STAC: variants seen among roughly 807,000 people sequenced by gnomAD.
STAC encodes SH3 and cysteine-rich domain-containing protein.
In STAC, 43 loss-of-function variants were observed where a neutral mutation model predicts 48.8. The observed-to-expected ratio is 0.88, with a 90% CI of 0.69 to 1.14. STAC has a LOEUF of 1.14. Ranked by LOEUF, STAC falls within the 50% of genes most tolerant of loss-of-function variation. The pLI, the probability that STAC is intolerant of heterozygous loss-of-function variation, is 0.00. For synonymous variants in STAC, 193 were observed against 179.5 expected (o/e 1.07, Z -0.60); for missense variants, 497 against 504.0 (o/e 0.99, Z 0.13).
intron 8 of STAC, among the ~76,000 whole-genome samples, chr3:36,521,689 C>T (rs79651316): frequency 0.011 from 1,703 of 152,154 alleles, 32 homozygotes; most frequent in African/African-American, 0.037. Context: ...GAGACATAAA[C>T]GTAAAAGGCA....
intron 10 of STAC, among the ~76,000 whole-genome samples, chr3:36,537,125 G>A (rs1243162321): frequency 6.6e-6 from 1 of 152,178 alleles, no homozygotes; most frequent in East Asian, 1.9e-4. Context: ...CATTGTGGAA[G>A]ATAGTGTGGC....
intron 5 of STAC, among the ~76,000 whole-genome samples, chr3:36,492,733 TCC>T (rs1477022863): frequency 6.6e-6 from 1 of 152,188 alleles, no homozygotes; most frequent in Non-Finnish European, 1.5e-5. Context: ...AAGTAGTGCA[TCC>T]CTCCATAGTG....
At chr3:36,413,608 T>G (rs1700246570) in intron 1 of STAC, among the ~76,000 whole-genome samples, 1 of 152,234 alleles carries the variant, frequency 6.6e-6, no homozygotes, top group Admixed American at 6.5e-5. Flanking sequence ...AGCACACTGA[T>G]GGGTCTTGAC....
intron 3 of STAC, among the ~76,000 whole-genome samples, chr3:36,484,405 G>C (rs966727431): frequency 2.6e-5 from 4 of 152,100 alleles, no homozygotes; most frequent in African/African-American, 7.2e-5. Flanking sequence ...TCAAACCTCT[G>C]CCTCCCCTGC....
At chr3:36,411,756 G>A (rs1559481490) in intron 1 of STAC, among the ~76,000 whole-genome samples, 1 of 152,198 alleles carries the variant, frequency 6.6e-6, no homozygotes, top group Non-Finnish European at 1.5e-5. Context: ...GTCCTGTCAT[G>A]AGACAATATG....
At chr3:36,483,953 A>C (rs1377344955) in intron 3 of STAC, among the ~76,000 whole-genome samples, 1 of 152,008 alleles carries the variant, frequency 6.6e-6, no homozygotes, top group Non-Finnish European at 1.5e-5. Context: ...TGTCTCAAAA[A>C]TTTTTTTTCA....
At chr3:36,426,284 G>A (rs1700562589) in intron 1 of STAC, among the ~76,000 whole-genome samples, 1 of 152,136 alleles carries the variant, frequency 6.6e-6, no homozygotes, top group African/African-American at 2.4e-5. Context: ...ATTTGGCAAA[G>A]GAAACTGCCC....
intron 1 of STAC, among the ~76,000 whole-genome samples, chr3:36,423,674 T>G (rs569000869): frequency 1.1e-4 from 16 of 152,220 alleles, no homozygotes; most frequent in South Asian, 2.1e-4. Flanking sequence ...TTCGATAAGT[T>G]TCTTTTTTTG....
intron 2 of STAC, among the ~76,000 whole-genome samples, chr3:36,449,474 T>C (rs1473755560): frequency 6.6e-6 from 1 of 152,184 alleles, no homozygotes; most frequent in African/African-American, 2.4e-5. Context: ...CAATATAAGG[T>C]CCATCCAGTG....
chr3:36,544,682 G>A (rs540141818), intron 10 of STAC, among the ~76,000 whole-genome samples: 3 of 152,130 alleles, frequency 2.0e-5, no homozygotes, highest in East Asian at 1.9e-4. Flanking sequence ...GAACGTGCAC[G>A]TTTGTTAACA....
At chr3:36,445,693 C>T (rs1285863404) in intron 2 of STAC, among the ~76,000 whole-genome samples, 1 of 152,212 alleles carries the variant, frequency 6.6e-6, no homozygotes, top group Non-Finnish European at 1.5e-5. Context: ...TCCTTCAAGC[C>T]ACACGTTATC....
chr3:36,493,873 G>A (rs548973004), intron 6 of STAC, among the ~76,000 whole-genome samples: 13 of 151,684 alleles, frequency 8.6e-5, no homozygotes, highest in African/African-American at 2.7e-4. Context: ...ACCTCTGGCC[G>A]GGCGCGGTGG....
intron 2 of STAC, among the ~76,000 whole-genome samples, chr3:36,444,686 C>T (rs576952015): frequency 2.0e-4 from 31 of 152,354 alleles, no homozygotes; most frequent in African/African-American, 7.5e-4. Flanking sequence ...GTAGCAAGGA[C>T]TGCAAGCCAC....
intron 7 of STAC, among the ~76,000 whole-genome samples, chr3:36,504,675 TTC>T (rs778751848): frequency 9.9e-5 from 15 of 152,180 alleles, no homozygotes; most frequent in Non-Finnish European, 1.0e-4. Flanking sequence ...CACCTTTTGT[TTC>T]TGTTATATAA....
chr3:36,525,152 C>T (rs1698902746), intron 8 of STAC, among the ~76,000 whole-genome samples: 1 of 151,954 alleles, frequency 6.6e-6, no homozygotes, highest in Admixed American at 6.6e-5. Context: ...CCAGAGTAAA[C>T]CCAGTGCCTA....
intron 10 of STAC, among the ~76,000 whole-genome samples, chr3:36,531,715 G>A (rs184217763): frequency 4.9e-4 from 74 of 152,264 alleles, no homozygotes; most frequent in African/African-American, 1.7e-3. Flanking sequence ...AAGATGGCCC[G>A]ATTCCCTCCC....
chr3:36,460,923 C>T (rs562161949), intron 2 of STAC, among the ~76,000 whole-genome samples: 7 of 152,208 alleles, frequency 4.6e-5, no homozygotes, highest in African/African-American at 1.2e-4. Context: ...AAAATAATAA[C>T]ATTTCCTTTC....
intron 10 of STAC, among the ~76,000 whole-genome samples, chr3:36,544,402 C>A (rs1234797254): frequency 1.3e-5 from 2 of 152,002 alleles, no homozygotes; most frequent in African/African-American, 4.8e-5. Context: ...ACTCCTGACC[C>A]CAAGTGATCC....
chr3:36,515,975 C>CTTTTTTTTTT (rs1203330014), intron 8 of STAC, among the ~76,000 whole-genome samples: 1 of 61,456 alleles, frequency 1.6e-5, no homozygotes, highest in Non-Finnish European at 2.8e-5. Context: ...CATTTTTCTC[C>CTTTTTTTTTT]TTTTTTTTTT....
Sources: gnomAD v4.1 joint callset for allele counts (sites outside exome capture counted in the v4.1 genomes callset) on GRCh38, gnomAD v4.1.1 for gene constraint, MANE v1.5 for transcripts, NCBI Gene and HGNC (gene_info 2026-07-23, HGNC 2026-07-21) for gene names.